The following SCAMP1 variants were observed in gnomAD, a reference collection of about 807,000 sequenced individuals.
SCAMP1 encodes secretory carrier membrane protein 1, also known as secretory carrier-associated membrane protein 1.
Under a neutral mutation model 41.8 loss-of-function variants are expected in SCAMP1, and 15 were observed. That is an observed-to-expected ratio of 0.36 (90% CI 0.24 to 0.55). The LOEUF is 0.55. Ranked by LOEUF, SCAMP1 falls within the 20% of genes least tolerant of loss-of-function variation. The pLI is 0.86. For missense variants in SCAMP1, 341 were observed against 412.6 expected (o/e 0.83, Z 1.50); for synonymous variants, 135 against 136.8 (o/e 0.99, Z 0.09).
chr5:78,465,006 G>A (rs1163453297), intron 8 of SCAMP1, among the ~76,000 whole-genome samples: 1 of 151,974 alleles, frequency 6.6e-6, no homozygotes, highest in Non-Finnish European at 1.5e-5. Flanking sequence ...TTTTTAATCC[G>A]TGCATTAATT....
intron 7 of SCAMP1, among the ~76,000 whole-genome samples, chr5:78,458,612 G>T (rs1281552823): frequency 2.0e-5 from 3 of 152,220 alleles, no homozygotes; most frequent in Admixed American, 2.0e-4. Context: ...TAGGCCAGGT[G>T]CAGTGGCTCA....
At chr5:78,369,903 G>C (rs528808693) in intron 1 of SCAMP1, among the ~76,000 whole-genome samples, 1 of 152,182 alleles carries the variant, frequency 6.6e-6, no homozygotes, top group Non-Finnish European at 1.5e-5. Flanking sequence ...TGCCACCCTG[G>C]CCTCAGCTGA....
At position 78,465,858 on chromosome 5, in the gene SCAMP1, G is replaced by A. The variant is rs78433142; in HGVS notation, c.852+6496G>A. 8.4e-3 allele frequency among the ~76,000 whole-genome samples: 1,282 copies of A among 152,308 alleles called. 20 individuals carry two copies. Among genetic ancestry groups the A allele is most frequent in the African/African-American group, 0.029 (1,198 of 41,572 alleles). ...CAAGTGGGATTTCTTCTTCCTCAGA[G>A]GAACTCCAGTTGTGTTCTTAAGGCC... On this transcript the variant is annotated intron_variant, in intron 8 of 8. Transcript: ENST00000621999.
rs1294946073 is a variant in SCAMP1, at chr5:78,418,878, A to T, written c.447A>T (p.Val149=). The T allele has an allele frequency of 1.3e-6, 2 of 1,578,592 alleles. No individual in the cohort carries two copies. Among genetic ancestry groups the T allele is most frequent in the Non-Finnish European group, 1.7e-6 (2 of 1,161,932 alleles). ...VDIPVEFQKT[V]KLMYYLWMFH... ...TTCCTGTAGAATTCCAAAAGACAGTAAAGCTTATGTACTACTTGTGGATGT... is the reference window on the plus strand; with the variant it reads ...TTCCTGTAGAATTCCAAAAGACAGTTAAGCTTATGTACTACTTGTGGATGT... Residue 149 remains valine (V), a synonymous_variant, in exon 5 of 9, where the codon GTA becomes GTT. Coordinates refer to ENST00000621999, the MANE Select transcript of SCAMP1 (RefSeq NM_004866.6).
chr5:78,457,826 C>CA (rs1351244969), intron 7 of SCAMP1: 2 of 161,254 alleles, frequency 1.2e-5, no homozygotes, highest in African/African-American at 2.4e-5. Context: ...GCTGTGCTAG[C>CA]AATCAGCGAG....
chr5:78,411,399 A>C (rs1752071427), intron 2 of SCAMP1, among the ~76,000 whole-genome samples: 1 of 152,200 alleles, frequency 6.6e-6, no homozygotes, highest in African/African-American at 2.4e-5. Context: ...ATTTGTGATT[A>C]TTTTAGTGAC....
intron 6 of SCAMP1, among the ~76,000 whole-genome samples, chr5:78,423,026 A>T (rs1347567404): frequency 2.4e-4 from 2 of 8,372 alleles, no homozygotes; most frequent in African/African-American, 9.9e-4. Flanking sequence ...GCACACACAC[A>T]CACACACACA....
chr5:78,367,949 G>T lies in SCAMP1; in HGVS notation c.57+7221G>T, dbSNP rs115743781. Among the ~76,000 whole-genome samples, 547 of 152,232 alleles carry T rather than the reference G, an allele frequency of 3.6e-3. 6 individuals carry two copies. The highest frequency in any genetic ancestry group is 0.013 in the African/African-American group (529 of 41,534). ...CTGCTTTTGGCTCCACCCTCTGAGA[G>T]GTCCTTTATTTATTTTTTTCTATAA... On this transcript the variant is annotated intron_variant, in intron 1 of 8. Coordinates refer to ENST00000621999, the MANE Select transcript of SCAMP1 (RefSeq NM_004866.6).
intron 7 of SCAMP1, among the ~76,000 whole-genome samples, chr5:78,450,934 T>C (rs1173468441): frequency 6.6e-6 from 1 of 152,246 alleles, no homozygotes; most frequent in Admixed American, 6.5e-5. Context: ...TATAGATATT[T>C]AAAATCAGTT....
chr5:78,412,341 A>G (rs1752100172), intron 2 of SCAMP1, among the ~76,000 whole-genome samples: 1 of 151,594 alleles, frequency 6.6e-6, no homozygotes, highest in Admixed American at 6.6e-5. Context: ...TAGTCTATAG[A>G]GTGTATTTTA....
At chr5:78,368,452 T>C (rs1750853549) in intron 1 of SCAMP1, among the ~76,000 whole-genome samples, 1 of 152,222 alleles carries the variant, frequency 6.6e-6, no homozygotes, top group Non-Finnish European at 1.5e-5. Context: ...TATTTAATAG[T>C]GATAAATGCA....
intron 1 of SCAMP1, among the ~76,000 whole-genome samples, chr5:78,385,928 C>T (rs1248724000): frequency 6.6e-6 from 1 of 152,004 alleles, no homozygotes; most frequent in East Asian, 1.9e-4. Context: ...GTATGTTCTG[C>T]AGTTGTTGGG....
intron 2 of SCAMP1, among the ~76,000 whole-genome samples, chr5:78,412,714 G>A (rs1176433777): frequency 6.6e-6 from 1 of 151,972 alleles, no homozygotes; most frequent in Non-Finnish European, 1.5e-5. Flanking sequence ...TCTATTGCTT[G>A]TTCAGATCTT....
At chr5:78,451,412 A>C (rs1239728305) in intron 7 of SCAMP1, among the ~76,000 whole-genome samples, 3 of 152,212 alleles carry the variant, frequency 2.0e-5, no homozygotes, top group African/African-American at 7.2e-5. Context: ...AAGATAAAGC[A>C]CATTTTCATC....
Position 78,446,862 on chromosome 5 carries a change from C to T in SCAMP1, c.633-3071C>T, listed in dbSNP as rs145187053. Among the ~76,000 whole-genome samples the T allele has an allele frequency of 2.5e-3, 373 of 152,204 alleles. 2 individuals are homozygous for T. The highest frequency in any genetic ancestry group is 3.5e-3 in the Non-Finnish European group (236 of 67,998). ...ATTATTAATGAACCATTAAAATTTGCTCTTTTGTGACTCAGGGGAAATGGC... is the reference window on the plus strand; with the variant it reads ...ATTATTAATGAACCATTAAAATTTGTTCTTTTGTGACTCAGGGGAAATGGC... On this transcript the variant is annotated intron_variant, in intron 6 of 8. Transcript: ENST00000621999.
At chr5:78,384,419 C>G (rs1261912451) in intron 1 of SCAMP1, among the ~76,000 whole-genome samples, 1 of 152,080 alleles carries the variant, frequency 6.6e-6, no homozygotes, top group Non-Finnish European at 1.5e-5. Context: ...GTTTGACTTC[C>G]TCTTTACCAA....
chr5:78,464,121 G>C (rs1172866330), intron 8 of SCAMP1, among the ~76,000 whole-genome samples: 2 of 150,510 alleles, frequency 1.3e-5, no homozygotes, highest in Non-Finnish European at 2.9e-5. Context: ...GGGACTACAG[G>C]CATGCGCCAC....
chr5:78,430,517 A>G (rs1554044636), intron 6 of SCAMP1, among the ~76,000 whole-genome samples: 1 of 151,438 alleles, frequency 6.6e-6, no homozygotes, highest in Non-Finnish European at 1.5e-5. Flanking sequence ...TTTTTTTCCC[A>G]AAGCGAAGTC....
At chr5:78,392,523 TAAAAC>T (rs1324765495) in intron 2 of SCAMP1, among the ~76,000 whole-genome samples, 7 of 152,140 alleles carry the variant, frequency 4.6e-5, no homozygotes, top group Non-Finnish European at 1.0e-4. Context: ...CCAGAACAAA[TAAAAC>T]AAAATATAAA....
Sources: allele counts gnomAD v4.1 joint callset (sites outside exome capture counted in the v4.1 genomes callset), GRCh38; gene constraint gnomAD v4.1.1; transcripts MANE v1.5; gene names NCBI Gene and HGNC (gene_info 2026-07-23, HGNC 2026-07-21).